ADAMTS12: variants seen among roughly 807,000 people sequenced by gnomAD.
ADAMTS12 encodes the protein A disintegrin and metalloproteinase with thrombospondin motifs 12.
Under a neutral mutation model 167.8 loss-of-function variants are expected in ADAMTS12, and 118 were observed. The observed-to-expected ratio is 0.70, with a 90% CI of 0.61 to 0.82. The LOEUF is 0.82. Among genes scored for constraint, ADAMTS12 ranks in the 40% least tolerant of loss-of-function variants. The pLI, the probability that ADAMTS12 is intolerant of heterozygous loss-of-function variation, is 0.00. For synonymous variants in ADAMTS12, 704 were observed against 716.9 expected (o/e 0.98, Z 0.29); for missense variants, 1,916 against 1,998.8 (o/e 0.96, Z 0.79).
At chr5:33,853,691 G>A (rs192265995) in intron 2 of ADAMTS12, among the ~76,000 whole-genome samples, 129 of 152,256 alleles carry the variant, frequency 8.5e-4, no homozygotes, top group Non-Finnish European at 1.2e-3. Flanking sequence ...TTAGGCTTTC[G>A]ACAAACAATT....
At chr5:33,760,056 C>T (rs565057067) in intron 2 of ADAMTS12, among the ~76,000 whole-genome samples, 3 of 152,272 alleles carry the variant, frequency 2.0e-5, no homozygotes, top group Middle Eastern at 3.4e-3. Flanking sequence ...GCGTGAGACC[C>T]GGGAATCTGC....
chr5:33,843,659 C>T lies in ADAMTS12; in HGVS notation c.489+37460G>A, dbSNP rs199670921. ...TGATGTTGGCCTGGAAGCGAAGGTA[C>T]GGTAGTCACCTCTTATCCACAGAGG... On this transcript the variant is annotated intron_variant, in intron 2 of 23. Transcript: ENST00000504830. Among the ~76,000 whole-genome samples the T allele has an allele frequency of 3.3e-5, 5 of 152,186 alleles. No individual in the cohort carries two copies. In the East Asian group the frequency reaches 5.8e-4, roughly 18 times the overall value.
At chr5:33,610,334 C>A (rs779011224) in intron 16 of ADAMTS12, among the ~76,000 whole-genome samples, 12 of 152,178 alleles carry the variant, frequency 7.9e-5, no homozygotes, top group Non-Finnish European at 1.5e-4. Flanking sequence ...GGTTTCACAT[C>A]GATTTTCAGG....
At chr5:33,781,147 A>G (rs1579930182) in intron 2 of ADAMTS12, among the ~76,000 whole-genome samples, 2 of 152,094 alleles carry the variant, frequency 1.3e-5, no homozygotes, top group African/African-American at 4.8e-5. Context: ...GTAAGAAAAT[A>G]GACAGCTCCA....
chr5:33,687,987 C>T lies in ADAMTS12; in HGVS notation c.635-3932G>A, dbSNP rs111446311. On this transcript the variant is annotated intron_variant, in intron 3 of 23. Coordinates refer to ENST00000504830, the MANE Select transcript of ADAMTS12 (RefSeq NM_030955.4). ...GGCATAGCTTCTGGCCACACCTCAA[C>T]CTGAGTACTTTTTATATTGCTATAA... Among the ~76,000 whole-genome samples the T allele has an allele frequency of 2.6e-4, 40 of 152,116 alleles. 1 individual carries two copies. The highest frequency in any genetic ancestry group is 5.4e-4 in the Non-Finnish European group (37 of 68,040).
At chr5:33,546,537 C>T (rs970480544) in intron 21 of ADAMTS12, among the ~76,000 whole-genome samples, 2 of 152,190 alleles carry the variant, frequency 1.3e-5, no homozygotes, top group African/African-American at 4.8e-5. Flanking sequence ...GGGGGGCACA[C>T]ATTTGCAATA....
chr5:33,576,004 T>G (rs575651328), intron 19 of ADAMTS12, 50 bp downstream of exon 19: 1 of 1,552,414 alleles, frequency 6.4e-7, no homozygotes, highest in South Asian at 1.3e-5. Flanking sequence ...AATTTAACAC[T>G]CCTAGCTTTT....
At chr5:33,836,086 T>C (rs948172034) in intron 2 of ADAMTS12, among the ~76,000 whole-genome samples, 1 of 152,148 alleles carries the variant, frequency 6.6e-6, no homozygotes, top group African/African-American at 2.4e-5. Context: ...GAAGCCCACA[T>C]CCTCAGCAGG....
chr5:33,724,164 G>A (rs542973046), intron 3 of ADAMTS12, among the ~76,000 whole-genome samples: 1 of 152,146 alleles, frequency 6.6e-6, no homozygotes. Context: ...ATTAGAAATA[G>A]AGATTTTTAA....
intron 5 of ADAMTS12, among the ~76,000 whole-genome samples, chr5:33,678,811 GGAAACAAGAT>G (rs1225660716): frequency 6.6e-6 from 1 of 152,132 alleles, no homozygotes; most frequent in Non-Finnish European, 1.5e-5. Flanking sequence ...ACTACACTGA[GGAAACAAGAT>G]GAAAAGAAAT....
At chr5:33,673,213 T>G (rs1241773890) in intron 5 of ADAMTS12, among the ~76,000 whole-genome samples, 1 of 152,188 alleles carries the variant, frequency 6.6e-6, no homozygotes, top group Non-Finnish European at 1.5e-5. Context: ...TTCCTTTGGT[T>G]CATTGCTTAG....
chr5:33,751,596 C>T (rs776730770), intron 2 of ADAMTS12, 48 bp from the exon 3 acceptor site: 8 of 1,587,476 alleles, frequency 5.0e-6, no homozygotes, highest in South Asian at 4.5e-5. Context: ...ATTCTACATA[C>T]CTACTAAAAA....
chr5:33,849,337 A>C lies in ADAMTS12; in HGVS notation c.489+31782T>G, dbSNP rs867156651. ...TGCATAGCTATATATATATGTATTG[A>C]ATAGCAATATATATATGTATTGAAT... On this transcript the variant is annotated intron_variant, in intron 2 of 23. Transcript: ENST00000504830. 5.8e-4 allele frequency among the ~76,000 whole-genome samples: 82 copies of C among 141,322 alleles called. 4 individuals carry two copies. The highest frequency in any genetic ancestry group is 5.2e-3 in the East Asian group (24 of 4,578). 92.7% of individuals were successfully genotyped at this position (141,322 alleles called of 152,430 possible).
At chr5:33,615,172 CAA>C (rs1738935912) in intron 15 of ADAMTS12, among the ~76,000 whole-genome samples, 1 of 152,158 alleles carries the variant, frequency 6.6e-6, no homozygotes, top group Non-Finnish European at 1.5e-5. Context: ...GTGTCAGAAG[CAA>C]AGTCTCCCGA....
chr5:33,663,796 C>A (rs1336635711), intron 5 of ADAMTS12, among the ~76,000 whole-genome samples: 8 of 152,168 alleles, frequency 5.3e-5, no homozygotes, highest in Non-Finnish European at 1.2e-4. Flanking sequence ...AGATATTTTT[C>A]TGGTCTGTTT....
chr5:33,574,724 G>A (rs1746592294), intron 19 of ADAMTS12, among the ~76,000 whole-genome samples: 1 of 151,976 alleles, frequency 6.6e-6, no homozygotes, highest in Non-Finnish European at 1.5e-5. Flanking sequence ...TTGTGCACAT[G>A]TACCCTAAAA....
At chr5:33,710,195 T>C (rs970667144) in intron 3 of ADAMTS12, among the ~76,000 whole-genome samples, 4 of 152,136 alleles carry the variant, frequency 2.6e-5, no homozygotes, top group African/African-American at 9.7e-5. Context: ...ATTTTTAGAG[T>C]TTTAAATTTG....
At chr5:33,701,983 A>C (rs1253394650) in intron 3 of ADAMTS12, among the ~76,000 whole-genome samples, 1 of 152,174 alleles carries the variant, frequency 6.6e-6, no homozygotes, top group African/African-American at 2.4e-5. Context: ...ACAACTTCTG[A>C]CAGTAATCCT....
chr5:33,542,398 C>T (rs974101426), intron 22 of ADAMTS12, among the ~76,000 whole-genome samples: 11 of 152,162 alleles, frequency 7.2e-5, no homozygotes, highest in African/African-American at 2.4e-4. Flanking sequence ...ACTTAGACTC[C>T]CACACAATAA....
Sources: gnomAD v4.1 joint callset for allele counts (sites outside exome capture counted in the v4.1 genomes callset) on GRCh38, gnomAD v4.1.1 for gene constraint, MANE v1.5 for transcripts, NCBI Gene and HGNC (gene_info 2026-07-23, HGNC 2026-07-21) for gene names.